PGCKA1: variants seen among roughly 807,000 people sequenced by gnomAD.
The protein encoded by PGCKA1 is PDCD10 and GCKIII kinases associated 1.
chr4:37,486,675 A>G, the PGCKA1 span, among the ~76,000 whole-genome samples: 3 of 152,192 alleles, frequency 2.0e-5, no homozygotes. Flanking sequence ...CTTTCTTTCC[A>G]TATATAAATC....
the PGCKA1 span, chr4:37,589,941 A>G: frequency 2.0e-4 from 144 of 737,476 alleles, no homozygotes; most frequent in Non-Finnish European, 1.5e-4. Flanking sequence ...TATACCAACT[A>G]TATCTATTTG....
chr4:37,465,024 C>G, the PGCKA1 span, among the ~76,000 whole-genome samples: 1 of 152,072 alleles, frequency 6.6e-6, no homozygotes, highest in Non-Finnish European at 1.5e-5. Flanking sequence ...AGAACGTGAC[C>G]TTTTCTTGAT....
At chr4:37,548,861 T>A in the PGCKA1 span, among the ~76,000 whole-genome samples, 1 of 152,192 alleles carries the variant, frequency 6.6e-6, no homozygotes, top group African/African-American at 2.4e-5. Context: ...TTGAAATGGA[T>A]CAAATATTCC....
At chr4:37,483,712 A>G in the PGCKA1 span, among the ~76,000 whole-genome samples, 1 of 152,158 alleles carries the variant, frequency 6.6e-6, no homozygotes, top group Non-Finnish European at 1.5e-5. Context: ...TTTTTTTCCT[A>G]ATGATATGAA....
the PGCKA1 span, among the ~76,000 whole-genome samples, chr4:37,479,118 T>C: frequency 6.6e-6 from 1 of 152,240 alleles, no homozygotes; most frequent in African/African-American, 2.4e-5. Context: ...TTAAACAGGC[T>C]GACTAATGGG....
chr4:37,552,107 G>C, the PGCKA1 span, among the ~76,000 whole-genome samples: 1 of 152,202 alleles, frequency 6.6e-6, no homozygotes, highest in African/African-American at 2.4e-5. Context: ...CCCAAAACCA[G>C]ACCTGGGCCT....
chr4:37,493,785 G>A, the PGCKA1 span, among the ~76,000 whole-genome samples: 9 of 152,130 alleles, frequency 5.9e-5, no homozygotes, highest in Non-Finnish European at 5.9e-5. Context: ...TCCATGAGTA[G>A]TTTAGATTTT....
chr4:37,512,734 G>A, the PGCKA1 span, among the ~76,000 whole-genome samples: 59 of 151,930 alleles, frequency 3.9e-4, no homozygotes, highest in East Asian at 7.8e-3. Flanking sequence ...GATTACAGAC[G>A]TGAGCCACCG....
the PGCKA1 span, among the ~76,000 whole-genome samples, chr4:37,592,330 A>G: frequency 7.1e-6 from 1 of 141,786 alleles, no homozygotes; most frequent in East Asian, 2.1e-4. Context: ...AACCTGGGCA[A>G]TTTAGCGAGA....
the PGCKA1 span, among the ~76,000 whole-genome samples, chr4:37,534,980 T>C: frequency 6.6e-6 from 1 of 152,232 alleles, no homozygotes; most frequent in East Asian, 1.9e-4. Flanking sequence ...TAGGTGCTCT[T>C]CCGCATACTG....
chr4:37,476,437 A>G, the PGCKA1 span, among the ~76,000 whole-genome samples: 1 of 152,188 alleles, frequency 6.6e-6, no homozygotes, highest in Non-Finnish European at 1.5e-5. Flanking sequence ...CAGCATCTTC[A>G]TAATCATTAC....
the PGCKA1 span, among the ~76,000 whole-genome samples, chr4:37,545,487 T>C: frequency 6.6e-6 from 1 of 152,206 alleles, no homozygotes. Flanking sequence ...AAACTATTCT[T>C]ATTTTAGTCC....
chr4:37,549,160 G>A, the PGCKA1 span, among the ~76,000 whole-genome samples: 29 of 152,370 alleles, frequency 1.9e-4, no homozygotes, highest in Admixed American at 5.2e-4. Flanking sequence ...GAGACCTGAA[G>A]TGATGCGATG....
the PGCKA1 span, among the ~76,000 whole-genome samples, chr4:37,472,781 C>T: frequency 6.6e-6 from 1 of 152,130 alleles, no homozygotes; most frequent in African/African-American, 2.4e-5. Flanking sequence ...GATTCTTCTC[C>T]TACTTCTATG....
At chr4:37,505,250 T>C in the PGCKA1 span, among the ~76,000 whole-genome samples, 1 of 152,238 alleles carries the variant, frequency 6.6e-6, no homozygotes, top group African/African-American at 2.4e-5. Context: ...CATCCTTGCA[T>C]CCCTGGAATA....
the PGCKA1 span, among the ~76,000 whole-genome samples, chr4:37,547,501 G>C: frequency 6.6e-6 from 1 of 152,198 alleles, no homozygotes; most frequent in South Asian, 2.1e-4. Flanking sequence ...ATTTAAGGGA[G>C]ATTATAGTGT....
the PGCKA1 span, among the ~76,000 whole-genome samples, chr4:37,568,974 G>C: frequency 8.6e-5 from 13 of 151,878 alleles, no homozygotes; most frequent in Non-Finnish European, 2.9e-5. Context: ...GCGTGTGCAT[G>C]TAGTTGCAGC....
the PGCKA1 span, among the ~76,000 whole-genome samples, chr4:37,585,613 G>A: frequency 1.0e-5 from 1 of 99,410 alleles, no homozygotes; most frequent in African/African-American, 3.7e-5. Flanking sequence ...GAGAGGTGTT[G>A]AGGAAGGAGA....
chr4:37,471,249 A>G, the PGCKA1 span, among the ~76,000 whole-genome samples: 8 of 152,220 alleles, frequency 5.3e-5, no homozygotes, highest in Non-Finnish European at 1.2e-4. Flanking sequence ...GATTGGTTAC[A>G]GCTAGGTATT....
Sources: gnomAD v4.1 joint callset for allele counts (sites outside exome capture counted in the v4.1 genomes callset) on GRCh38, gnomAD v4.1.1 for gene constraint, MANE v1.5 for transcripts, NCBI Gene and HGNC (gene_info 2026-07-23, HGNC 2026-07-21) for gene names.